Variants in DNMBP observed in about 807,000 individuals in gnomAD.
DNMBP encodes dynamin binding protein, also known as dynamin-binding protein.
Under a neutral mutation model 150.0 loss-of-function variants are expected in DNMBP, and 87 were observed. That is an observed-to-expected ratio of 0.58 (90% CI 0.49 to 0.69). The LOEUF (loss-of-function observed/expected upper bound fraction) is 0.69. Among genes scored for constraint, DNMBP ranks in the 30% least tolerant of loss-of-function variants. DNMBP has a pLI of 0.00. For missense variants in DNMBP, 1,774 were observed against 1,949.0 expected (o/e 0.91, Z 1.69); for synonymous variants, 711 against 750.4 (o/e 0.95, Z 0.86).
chr10:99,878,043 C>G (rs1419023081), intron 16 of DNMBP, among the ~76,000 whole-genome samples: 1 of 152,150 alleles, frequency 6.6e-6, no homozygotes, highest in Admixed American at 6.6e-5. Flanking sequence ...TGCCTGAACC[C>G]AGCAGGCAGA....
At chr10:99,908,323 T>A (rs2039852168) in intron 5 of DNMBP, among the ~76,000 whole-genome samples, 1 of 152,228 alleles carries the variant, frequency 6.6e-6, no homozygotes, top group Non-Finnish European at 1.5e-5. Context: ...AGTAAAGTGA[T>A]AATGGAACCA....
chr10:99,951,642 T>C (rs2040423553), intron 4 of DNMBP, among the ~76,000 whole-genome samples: 1 of 152,206 alleles, frequency 6.6e-6, no homozygotes, highest in Non-Finnish European at 1.5e-5. Flanking sequence ...CCACTGGATT[T>C]CAGACTTGCG....
intron 3 of DNMBP, among the ~76,000 whole-genome samples, chr10:99,967,001 T>G (rs1224722519): frequency 2.0e-5 from 3 of 151,522 alleles, no homozygotes; most frequent in African/African-American, 7.3e-5. Context: ...CCTGCCATGT[T>G]GCCCAGGCTG....
At chr10:99,912,832 G>A (rs1308037112) in intron 4 of DNMBP, among the ~76,000 whole-genome samples, 1 of 152,076 alleles carries the variant, frequency 6.6e-6, no homozygotes, top group Admixed American at 6.6e-5. Flanking sequence ...GCAACCCAAG[G>A]TATTTCTGAA....
chr10:99,912,363 A>C (rs1190771109), intron 4 of DNMBP, among the ~76,000 whole-genome samples: 1 of 152,182 alleles, frequency 6.6e-6, no homozygotes, highest in Admixed American at 6.5e-5. Context: ...GAAAACACAA[A>C]GTACCAGCAA....
At chr10:99,929,679 C>T (rs1309251961) in intron 4 of DNMBP, 2 of 702,998 alleles carry the variant, frequency 2.8e-6, no homozygotes, top group Middle Eastern at 2.3e-4. Flanking sequence ...GCGGAGGCAA[C>T]TATTCCTTCT....
chr10:99,880,452 T>TTA, intron 15 of DNMBP, 91 bp from the exon 16 acceptor site: 1 of 1,412,508 alleles, frequency 7.1e-7, no homozygotes, highest in South Asian at 1.5e-5. Context: ...CTGATCTAGG[T>TTA]TATTCATCTG....
Position 99,885,727 on chromosome 10 carries a change from G to C in DNMBP, c.3758C>G (p.Thr1253Ser), listed in dbSNP as rs913236673. 7.5e-5 allele frequency: 120 copies of C among 1,589,882 alleles called. No homozygotes were observed. Among genetic ancestry groups the C allele is most frequent in the Non-Finnish European group, 1.0e-4 (119 of 1,166,296 alleles). Residue 1253 changes from threonine (T) to serine (S), a missense_variant, in exon 14 of 17, where the codon ACC becomes AGC. Thr to Ser is a moderately conservative substitution (Grantham distance 58). This residue lies in a region of DNMBP where 1,430 missense variants were observed against 1,492.5 expected (regional missense o/e 0.96). Transcript: ENST00000324109. ...PATKKPFERKTIDRQSARKPL... is the reference protein window; with the variant it reads ...PATKKPFERKSIDRQSARKPL... ...CTTTCGAGCAGACTGGCGGTCAATG[G>C]TTTTCCTCTCAAATGGCTTCTTGGT...
intron 3 of DNMBP, among the ~76,000 whole-genome samples, chr10:99,962,357 C>T (rs1394698909): frequency 2.0e-5 from 3 of 152,198 alleles, no homozygotes; most frequent in East Asian, 1.9e-4. Flanking sequence ...CAAGGCTGGG[C>T]GCAGTGGCTC....
At chr10:99,935,755 G>T (rs1349158204) in intron 4 of DNMBP, among the ~76,000 whole-genome samples, 1 of 152,116 alleles carries the variant, frequency 6.6e-6, no homozygotes, top group Non-Finnish European at 1.5e-5. Flanking sequence ...GTAGACACAG[G>T]GTTTCACCAT....
At chr10:99,887,188 T>G (rs565287998) in intron 12 of DNMBP, among the ~76,000 whole-genome samples, 1 of 151,308 alleles carries the variant, frequency 6.6e-6, no homozygotes, top group Non-Finnish European at 1.5e-5. Context: ...TCCCAAGAAG[T>G]TGGGATTACA....
intron 4 of DNMBP, among the ~76,000 whole-genome samples, chr10:99,942,256 C>T (rs1475302528): frequency 1.3e-5 from 2 of 152,032 alleles, no homozygotes; most frequent in East Asian, 1.9e-4. Context: ...GATTGTTTTC[C>T]CTTCTGACAA....
At chr10:99,883,988 C>A in intron 15 of DNMBP, 23 bp downstream of exon 15, 1 of 1,610,980 alleles carries the variant, frequency 6.2e-7, no homozygotes, top group Non-Finnish European at 8.5e-7. Context: ...CAGTTACAGT[C>A]CTCTGCTGCT....
chr10:99,977,816 A>C (rs1343535813), intron 1 of DNMBP, among the ~76,000 whole-genome samples: 1 of 152,174 alleles, frequency 6.6e-6, no homozygotes, highest in Non-Finnish European at 1.5e-5. Flanking sequence ...CAATATATGA[A>C]ACTATTCATA....
intron 1 of DNMBP, among the ~76,000 whole-genome samples, chr10:100,001,681 G>A (rs758141640): frequency 2.0e-5 from 3 of 152,126 alleles, no homozygotes; most frequent in Non-Finnish European, 2.9e-5. Context: ...CCAAAGTGCC[G>A]GGATTACAGG....
Position 99,934,002 on chromosome 10 carries a change from T to C in DNMBP, c.2260+21212A>G, listed in dbSNP as rs528562566. Among the ~76,000 whole-genome samples the C allele has an allele frequency of 5.3e-4, 81 of 151,998 alleles. 1 individual carries two copies. The highest frequency in any genetic ancestry group is 2.3e-3 in the Admixed American group (35 of 15,278). The stretch of plus-strand genomic sequence containing the variant: ...CCCCCTGCCTCGGCGTCCCAAAGTG[T>C]TGGGATTACAGGCGTGAGCCACTGC... On this transcript the variant is annotated intron_variant, in intron 4 of 16. Transcript: ENST00000324109.
intron 4 of DNMBP, among the ~76,000 whole-genome samples, chr10:99,910,958 G>C (rs2039891823): frequency 6.6e-6 from 1 of 152,200 alleles, no homozygotes; most frequent in African/African-American, 2.4e-5. Context: ...CACCATTTTA[G>C]GCCAAGTGTG....
chr10:99,941,851 C>T (rs1213502361), intron 4 of DNMBP, among the ~76,000 whole-genome samples: 1 of 152,200 alleles, frequency 6.6e-6, no homozygotes, highest in African/African-American at 2.4e-5. Flanking sequence ...AGCTGAGCAC[C>T]TCTCATCCCT....
At chr10:99,988,545 T>C (rs887070392) in intron 1 of DNMBP, among the ~76,000 whole-genome samples, 1 of 152,202 alleles carries the variant, frequency 6.6e-6, no homozygotes, top group African/African-American at 2.4e-5. Context: ...GAATTCATAC[T>C]AGCAACACTG....
Sources: allele counts gnomAD v4.1 joint callset (sites outside exome capture counted in the v4.1 genomes callset), GRCh38; gene constraint gnomAD v4.1.1; regional missense constraint gnomAD v4.1.1; transcripts MANE v1.5; gene names NCBI Gene and HGNC (gene_info 2026-07-23, HGNC 2026-07-21).